The following ZNF236 variants were observed in gnomAD, a reference collection of about 807,000 sequenced individuals.
ZNF236 encodes regulated by glucose.
ZNF236 carries 50 observed loss-of-function variants against 191.2 expected under a neutral mutation model. The observed-to-expected ratio is 0.26, with a 90% CI of 0.21 to 0.33. The LOEUF (loss-of-function observed/expected upper bound fraction) is 0.33, where lower values mean the gene tolerates loss of function less well. Among genes scored for constraint, ZNF236 ranks in the 10% least tolerant of loss-of-function variants. The probability of loss-of-function intolerance (pLI) is 1.00; values close to 1 mark genes in which losing one functional copy is unlikely to be tolerated. For missense variants in ZNF236, 1,754 were observed against 2,374.5 expected, an observed-to-expected ratio of 0.74 and a Z score of 5.43; for synonymous variants, 907 against 928.8, an observed-to-expected ratio of 0.98 and a Z score of 0.43.
rs1386885293 is a variant in ZNF236, at chr18:76,927,368, G to C, written c.4265G>C (p.Ser1422Thr). ...TGEPGLAPQN[S>T]SLQTSDSTVP... ...GAGCCTGGCCTGGCCCCACAGAACA[G>C]CTCTCTCCAGACATCGGACAGCACG... The change falls in exon 24 of 31, where the codon AGC becomes ACC. Residue 1422 changes from serine to threonine, a missense_variant. Transcript: ENST00000320610. The surrounding 1 kb of genome is among the most constrained non-coding windows in gnomAD (Gnocchi z 5.4). 2.5e-6 allele frequency: 4 copies of C among 1,614,192 alleles called. No homozygotes were observed.
chr18:76,942,135 A>G (rs1968146794), intron 26 of ZNF236, among the ~76,000 whole-genome samples: 1 of 152,228 alleles, frequency 6.6e-6, no homozygotes, highest in Admixed American at 6.5e-5. Flanking sequence ...GTTATTCACT[A>G]GGGGATAAAT....
chr18:76,926,841 T>C (rs1340794118), intron 22 of ZNF236, among the ~76,000 whole-genome samples, 196 bp from the exon 23 acceptor site: 1 of 143,164 alleles, frequency 7.0e-6, no homozygotes, highest in Non-Finnish European at 1.5e-5. Context: ...ACAGTGTGTG[T>C]ATATGGTATA....
intron 1 of ZNF236, among the ~76,000 whole-genome samples, chr18:76,826,862 A>G (rs73485067): frequency 0.061 from 9,216 of 150,646 alleles, 512 homozygotes; most frequent in African/African-American, 0.15. Context: ...CCCTTCATGT[A>G]CACTAATTCC....
intron 9 of ZNF236, among the ~76,000 whole-genome samples, chr18:76,891,863 T>C (rs1056444664): frequency 2.6e-5 from 4 of 152,240 alleles, no homozygotes; most frequent in African/African-American, 9.6e-5. Context: ...ATCTGTCTTT[T>C]TATTCAAGTG....
chr18:76,865,091 C>G (rs987041679), intron 3 of ZNF236, among the ~76,000 whole-genome samples: 1 of 152,216 alleles, frequency 6.6e-6, no homozygotes, highest in South Asian at 2.1e-4. Context: ...AATCCCAGCA[C>G]TTTGGGAGGC....
Position 76,935,961 on chromosome 18 carries a change from G to T in ZNF236, c.4595-1195G>T, listed in dbSNP as rs1232918920. The T allele has an allele frequency of 8.8e-6, 4 of 456,748 alleles. No individual in the cohort carries two copies. The Admixed American group carries it at 9.4e-5, about 11-fold the overall frequency. The allele number at this position is 456,748 out of a possible 1,614,324, so 28.3% of individuals were successfully genotyped here. A position where few individuals can be genotyped will look rare whatever the true frequency, so the allele number is the denominator to read the frequency against. ...CGCTCGAGCCTCCCAGCCTGCTAAT[G>T]GTTCTACTGCTTTTGAAGGTTCCAG... On this transcript the variant is annotated intron_variant, in intron 25 of 30. Coordinates refer to ENST00000320610, the MANE Select transcript of ZNF236 (RefSeq NM_001306089.2).
Position 76,919,373 on chromosome 18 carries a change from T to TG in ZNF236, c.3275-399dup, listed in dbSNP as rs1405729867. Among the ~76,000 whole-genome samples, 1 of 152,216 alleles carries TG rather than the reference T, an allele frequency of 6.6e-6. No homozygotes were observed. The highest frequency in any genetic ancestry group is 1.9e-4 in the East Asian group (1 of 5,200). On this transcript the variant is annotated intron_variant, in intron 19 of 30. Coordinates refer to ENST00000320610, the MANE Select transcript of ZNF236 (RefSeq NM_001306089.2). This position sits in a 1 kb window ranked among gnomAD's most constrained non-coding sequence, Gnocchi z 5.3. ...TGTGGAATGATCAAATCAGAGTACT[T>TG]GGGGTATTCATCACCTTAAGTATTT... is the stretch of plus-strand genomic sequence containing the variant.
At chr18:76,926,978 C>G (rs1967714480) in intron 22 of ZNF236, 59 bp from the exon 23 acceptor site, 1 of 1,549,716 alleles carries the variant, frequency 6.5e-7, no homozygotes, top group African/African-American at 1.4e-5. Flanking sequence ...AAATGAATTA[C>G]TTTAGTTTTA....
At chr18:76,917,849 G>A (rs1967414767) in intron 19 of ZNF236, among the ~76,000 whole-genome samples, 1 of 152,046 alleles carries the variant, frequency 6.6e-6, no homozygotes, top group African/African-American at 2.4e-5. Flanking sequence ...CGGACTTTCA[G>A]TTTGCTGTAT....
At chr18:76,892,412 A>G (rs1191558566) in intron 9 of ZNF236, among the ~76,000 whole-genome samples, 1 of 151,744 alleles carries the variant, frequency 6.6e-6, no homozygotes, top group Non-Finnish European at 1.5e-5. Flanking sequence ...TGACTTTAAT[A>G]TATTTTTCTA....
At chr18:76,869,897 A>G (rs748853724) in intron 4 of ZNF236, among the ~76,000 whole-genome samples, 3 of 152,226 alleles carry the variant, frequency 2.0e-5, no homozygotes, top group Non-Finnish European at 2.9e-5. Context: ...TGGAGGTTGC[A>G]GTGAGCCGAG....
intron 26 of ZNF236, among the ~76,000 whole-genome samples, chr18:76,937,770 A>G (rs1968039248): frequency 6.6e-6 from 1 of 152,214 alleles, no homozygotes; most frequent in Admixed American, 6.5e-5. Flanking sequence ...TCATGCCCTT[A>G]GTCACTGAGA....
intron 14 of ZNF236, 57 bp downstream of exon 14, chr18:76,908,630 C>CGAAA: frequency 6.4e-7 from 1 of 1,551,948 alleles, no homozygotes. Flanking sequence ...TGCAGCCTTT[C>CGAAA]CCACTCATTG....
intron 1 of ZNF236, among the ~76,000 whole-genome samples, chr18:76,835,613 C>T (rs1321013938): frequency 6.6e-6 from 1 of 152,112 alleles, no homozygotes; most frequent in African/African-American, 2.4e-5. Context: ...TGCACCATGA[C>T]TGCTTTGGTT....
intron 1 of ZNF236, among the ~76,000 whole-genome samples, chr18:76,842,169 C>T (rs1599320790): frequency 1.3e-5 from 2 of 152,212 alleles, no homozygotes; most frequent in Admixed American, 1.3e-4. Context: ...GTTTTCTTAT[C>T]CACAAGGGCA....
In ZNF236 at chr18:76,935,328, A is replaced by G. The variant is rs190446999; in HGVS notation, c.4595-1828A>G. On this transcript the variant is annotated intron_variant, in intron 25 of 30. Transcript: ENST00000320610. ...TTAAAGGTTCACTGTTTGAGTTGAAATACGAAATTTGGCCCTGTCTGAAGT... is the reference window on the plus strand; with the variant it reads ...TTAAAGGTTCACTGTTTGAGTTGAAGTACGAAATTTGGCCCTGTCTGAAGT... 1.5e-3 allele frequency among the ~76,000 whole-genome samples: 229 copies of G among 152,342 alleles called. 1 individual carries two copies. The highest frequency in any genetic ancestry group is 5.0e-3 in the African/African-American group (209 of 41,576).
chr18:76,844,967 C>T (rs1025724027), intron 1 of ZNF236, among the ~76,000 whole-genome samples: 3 of 152,084 alleles, frequency 2.0e-5, no homozygotes, highest in East Asian at 3.9e-4. Context: ...AAGAGATGGC[C>T]GTGGTCCTAA....
chr18:76,936,788 C>T (rs1968012727), intron 25 of ZNF236, among the ~76,000 whole-genome samples: 1 of 152,082 alleles, frequency 6.6e-6, no homozygotes, highest in African/African-American at 2.4e-5. Context: ...CACTTGCTTC[C>T]TTTCTTCAGC....
rs962168418 is a variant in ZNF236 at position 76,969,805 on chromosome 18, G to A, written c.*1466G>A. ...GGCATCTTTTGATTTTTTTGTTGTTGTTGTTCACTTTTGGCATATGTATAT... is the reference window on the plus strand; with the variant it reads ...GGCATCTTTTGATTTTTTTGTTGTTATTGTTCACTTTTGGCATATGTATAT... On this transcript the variant is annotated 3_prime_UTR_variant, in exon 31 of 31. Transcript: ENST00000320610. 1 of 152,388 alleles carries A rather than the reference G, an allele frequency of 6.6e-6. No individual in the cohort carries two copies. Among genetic ancestry groups the A allele is most frequent in the African/African-American group, 2.4e-5 (1 of 41,372 alleles). 9.4% of individuals were successfully genotyped at this position (152,388 alleles called of 1,614,324 possible).
Sources: allele counts gnomAD v4.1 joint callset (sites outside exome capture counted in the v4.1 genomes callset), GRCh38; gene constraint gnomAD v4.1.1; non-coding constraint Gnocchi (gnomAD v3.1); transcripts MANE v1.5; gene names NCBI Gene and HGNC (gene_info 2026-07-23, HGNC 2026-07-21).